PRKCA: variants seen among roughly 807,000 people sequenced by gnomAD.
PRKCA encodes protein kinase C alpha.
PRKCA carries 27 observed loss-of-function variants against 87.0 expected under a neutral mutation model. The observed-to-expected ratio is 0.31, with a 90% CI of 0.23 to 0.43. The LOEUF (loss-of-function observed/expected upper bound fraction) is 0.43. PRKCA is among the 20% of genes least tolerant of loss of function. The probability of loss-of-function intolerance (pLI) is 1.00; values close to 1 mark genes in which losing one functional copy is unlikely to be tolerated. For synonymous variants in PRKCA, 329 were observed against 311.1 expected (o/e 1.06, Z -0.61); for missense variants, 518 against 852.3 (o/e 0.61, Z 4.88).
intron 7 of PRKCA, among the ~76,000 whole-genome samples, 160 bp downstream of exon 7, chr17:66,688,596 G>A (rs1460545375): frequency 6.6e-6 from 1 of 151,904 alleles, no homozygotes; most frequent in African/African-American, 2.4e-5. Flanking sequence ...TGAGCTCTGA[G>A]GTTTGAGACC....
chr17:66,303,075 C>G, intron 1 of PRKCA, 51 bp downstream of exon 1: 1 of 1,577,542 alleles, frequency 6.3e-7, no homozygotes, highest in Non-Finnish European at 8.6e-7. Flanking sequence ...CCTCCGGGTC[C>G]CGGCACCCGG....
rs115743365 is a variant in PRKCA at position 66,663,038 on chromosome 17, T to C, written c.529+17527T>C. Among the ~76,000 whole-genome samples the C allele has an allele frequency of 3.7e-3, 556 of 152,314 alleles. 4 individuals carry two copies. Among genetic ancestry groups the C allele is most frequent in the African/African-American group, 0.012 (509 of 41,574 alleles). On this transcript the variant is annotated intron_variant, in intron 5 of 16. Transcript: ENST00000413366. ...AGCAGATCCCTCTTCTGCTGGCGGA[T>C]GGAGGAAGGATACCCTTGCCGGTGG...
At chr17:66,788,396 A>G (rs1234034512) in intron 15 of PRKCA, among the ~76,000 whole-genome samples, 1 of 152,076 alleles carries the variant, frequency 6.6e-6, no homozygotes, top group Non-Finnish European at 1.5e-5. Context: ...GATTGATAAC[A>G]TTTTGGCCCA....
intron 3 of PRKCA, among the ~76,000 whole-genome samples, chr17:66,519,721 A>G (rs1967093186): frequency 6.6e-6 from 1 of 152,190 alleles, no homozygotes; most frequent in African/African-American, 2.4e-5. Flanking sequence ...AGACCTCAGC[A>G]TCAGTATCAC....
chr17:66,730,843 T>C (rs2144195225), intron 8 of PRKCA, among the ~76,000 whole-genome samples: 1 of 152,266 alleles, frequency 6.6e-6, no homozygotes, highest in East Asian at 1.9e-4. Context: ...GCTCAATCAG[T>C]ACTTGTGGGA....
intron 2 of PRKCA, among the ~76,000 whole-genome samples, chr17:66,351,191 A>G (rs933488739): frequency 2.0e-5 from 3 of 152,250 alleles, no homozygotes; most frequent in Middle Eastern, 3.4e-3. Flanking sequence ...TTGAATGAGT[A>G]CAGCCGAATT....
intron 11 of PRKCA, 74 bp downstream of exon 11, chr17:66,738,929 C>A: frequency 2.5e-6 from 3 of 1,184,648 alleles, no homozygotes; most frequent in East Asian, 5.0e-5. Context: ...TTTTTCCCCC[C>A]CGCTTGAGAT....
chr17:66,443,995 G>A (rs1360925734), intron 2 of PRKCA, among the ~76,000 whole-genome samples: 3 of 152,152 alleles, frequency 2.0e-5, no homozygotes, highest in Non-Finnish European at 4.4e-5. Flanking sequence ...CGCCTCACGA[G>A]CCTCAGAAGG....
At chr17:66,703,020 T>G (rs1230005366) in intron 8 of PRKCA, among the ~76,000 whole-genome samples, 1 of 152,232 alleles carries the variant, frequency 6.6e-6, no homozygotes, top group African/African-American at 2.4e-5. Context: ...GACTGGAAGT[T>G]ACTCTGGGTA....
At chr17:66,695,628 C>T (rs980284798) in intron 8 of PRKCA, among the ~76,000 whole-genome samples, 8 of 152,280 alleles carry the variant, frequency 5.3e-5, no homozygotes, top group East Asian at 1.9e-4. Flanking sequence ...AAGCTAAAAG[C>T]GCCTTGGCCT....
At chr17:66,718,037 TG>T (rs911796218) in intron 8 of PRKCA, among the ~76,000 whole-genome samples, 1 of 152,188 alleles carries the variant, frequency 6.6e-6, no homozygotes, top group African/African-American at 2.4e-5. Flanking sequence ...TGGGGTGGCT[TG>T]GGGGACTGAC....
intron 3 of PRKCA, among the ~76,000 whole-genome samples, chr17:66,635,418 C>T (rs1971126907): frequency 6.6e-6 from 1 of 152,188 alleles, no homozygotes; most frequent in African/African-American, 2.4e-5. Context: ...CCCTCATGGC[C>T]CAGGCTGGCG....
chr17:66,706,596 C>A (rs886709316), intron 8 of PRKCA, among the ~76,000 whole-genome samples: 33 of 151,480 alleles, frequency 2.2e-4, no homozygotes, highest in African/African-American at 8.0e-4. Context: ...CGAGATCACG[C>A]CACTGCACTC....
At chr17:66,419,350 T>C (rs1912358942) in intron 2 of PRKCA, among the ~76,000 whole-genome samples, 2 of 152,224 alleles carry the variant, frequency 1.3e-5, no homozygotes, top group South Asian at 4.1e-4. Context: ...TTAATACATG[T>C]ACATTTCTTT....
intron 2 of PRKCA, among the ~76,000 whole-genome samples, chr17:66,409,804 G>A (rs765060979): frequency 1.3e-4 from 20 of 152,180 alleles, no homozygotes; most frequent in Non-Finnish European, 2.6e-4. Flanking sequence ...GGTGGCAGGC[G>A]CCTGTGTCCC....
intron 3 of PRKCA, among the ~76,000 whole-genome samples, chr17:66,530,124 A>T (rs1284700856): frequency 6.6e-6 from 1 of 152,242 alleles, no homozygotes; most frequent in African/African-American, 2.4e-5. Flanking sequence ...TGGCAGCTGC[A>T]AAGCATATCC....
chr17:66,790,451 C>T (rs987455273), intron 16 of PRKCA, among the ~76,000 whole-genome samples: 4 of 152,158 alleles, frequency 2.6e-5, no homozygotes, highest in Admixed American at 6.5e-5. Context: ...ATACAAAACC[C>T]GGTCTGGAGG....
At chr17:66,492,886 C>T (rs147684289) in intron 2 of PRKCA, among the ~76,000 whole-genome samples, 148 of 152,258 alleles carry the variant, frequency 9.7e-4, no homozygotes, top group African/African-American at 2.5e-3. Context: ...CTGTTTTCTT[C>T]GATTCACACT....
intron 5 of PRKCA, among the ~76,000 whole-genome samples, chr17:66,652,257 C>T (rs1971609164): frequency 6.6e-6 from 1 of 152,186 alleles, no homozygotes; most frequent in Non-Finnish European, 1.5e-5. Flanking sequence ...CCGTGCCTGG[C>T]CAACCATTCT....
Sources: allele counts gnomAD v4.1 joint callset (sites outside exome capture counted in the v4.1 genomes callset), GRCh38; gene constraint gnomAD v4.1.1; transcripts MANE v1.5; gene names NCBI Gene and HGNC (gene_info 2026-07-23, HGNC 2026-07-21).